Variants in PIERCE1 observed in about 807,000 individuals in gnomAD.
The protein encoded by PIERCE1 is piercer of microtubule wall 1 protein.
At chr9:135,499,430 AGAG>A in the PIERCE1 span, 63 of 674,322 alleles carry the variant, frequency 9.3e-5, 3 homozygotes, top group South Asian at 8.9e-4. Flanking sequence ...GGTAGAGAGG[AGAG>A]GAGACTCACC....
the PIERCE1 span, chr9:135,498,667 G>A: frequency 5.0e-5 from 80 of 1,613,256 alleles, 1 homozygote; most frequent in South Asian, 8.7e-4. The surrounding 1 kb of genome is among the most constrained non-coding windows in gnomAD (Gnocchi z 4.1). Context: ...CTGGGTCCTG[G>A]TAGATGAGAA....
At chr9:135,496,050 C>G in the PIERCE1 span, among the ~76,000 whole-genome samples, 1 of 152,230 alleles carries the variant, frequency 6.6e-6, no homozygotes, top group Non-Finnish European at 1.5e-5. Context: ...TGCGGTGGCT[C>G]ACGCCTGTAA....
At chr9:135,496,914 A>G in the PIERCE1 span, among the ~76,000 whole-genome samples, 4 of 150,254 alleles carry the variant, frequency 2.7e-5, no homozygotes, top group Non-Finnish European at 5.9e-5. Context: ...CTCCTGCCTC[A>G]GCCTCCCAAG....
the PIERCE1 span, chr9:135,499,842 C>G: frequency 2.5e-6 from 4 of 1,583,384 alleles, no homozygotes; most frequent in Non-Finnish European, 3.4e-6. Flanking sequence ...CTGGGGCATT[C>G]CTCAGCCATT....
chr9:135,499,726 C>T, the PIERCE1 span: 1 of 1,608,228 alleles, frequency 6.2e-7, no homozygotes, highest in Non-Finnish European at 8.5e-7. Context: ...CCCGGAACCA[C>T]CCCGGGTTGT....
chr9:135,498,963 A>G, the PIERCE1 span: 1 of 371,420 alleles, frequency 2.7e-6, no homozygotes, highest in African/African-American at 2.1e-5. The surrounding 1 kb of genome is among the most constrained non-coding windows in gnomAD (Gnocchi z 4.1). Flanking sequence ...GGGCCTCGGC[A>G]CATGCTGCAA....
chr9:135,499,273 C>T, the PIERCE1 span, among the ~76,000 whole-genome samples: 1 of 152,260 alleles, frequency 6.6e-6, no homozygotes, highest in South Asian at 2.1e-4. Context: ...GTGTGATGAG[C>T]ACGGCAAGAT....
chr9:135,496,818 T>C, the PIERCE1 span, among the ~76,000 whole-genome samples: 3 of 120,390 alleles, frequency 2.5e-5, no homozygotes, highest in Admixed American at 9.1e-5. Context: ...TTTTTTGAGA[T>C]GGAGTTTTTG....
the PIERCE1 span, among the ~76,000 whole-genome samples, chr9:135,496,124 G>A: frequency 6.6e-6 from 1 of 152,200 alleles, no homozygotes; most frequent in East Asian, 1.9e-4. Context: ...AGACCAGCCT[G>A]GCCAACATAG....
At chr9:135,499,595 C>A in the PIERCE1 span, 1 of 1,390,878 alleles carries the variant, frequency 7.2e-7, no homozygotes, top group Non-Finnish European at 1.0e-6. Flanking sequence ...CCCCGGATGA[C>A]CACTCGATCT....
chr9:135,495,324 C>T, the PIERCE1 span: 127 of 1,079,734 alleles, frequency 1.2e-4, no homozygotes, highest in East Asian at 1.6e-3. Context: ...GGGAAGGCAG[C>T]GCAGTCTGTG....
chr9:135,499,345 C>A, the PIERCE1 span: 1 of 497,984 alleles, frequency 2.0e-6, no homozygotes, highest in South Asian at 1.8e-5. Context: ...TGCCCTGTGG[C>A]AGCTCAGAGC....
chr9:135,498,580 C>T, the PIERCE1 span: 5 of 1,613,882 alleles, frequency 3.1e-6, no homozygotes, highest in East Asian at 1.1e-4. This position sits in a 1 kb window ranked among gnomAD's most constrained non-coding sequence, Gnocchi z 4.1. Flanking sequence ...TTGCATCCCA[C>T]TTACAGGCAT....
At chr9:135,498,797 G>A in the PIERCE1 span, 1 of 778,188 alleles carries the variant, frequency 1.3e-6, no homozygotes, top group Non-Finnish European at 2.2e-6. This position sits in a 1 kb window ranked among gnomAD's most constrained non-coding sequence, Gnocchi z 4.1. Flanking sequence ...TGGTGATGTG[G>A]CCTCGAAGGC....
At chr9:135,495,279 A>G in the PIERCE1 span, 7 of 728,736 alleles carry the variant, frequency 9.6e-6, 1 homozygote, top group African/African-American at 7.1e-5. Context: ...CCCCGTTTGC[A>G]TATTTTCCTA....
At chr9:135,495,731 T>TG in the PIERCE1 span, 1 of 980,706 alleles carries the variant, frequency 1.0e-6, no homozygotes, top group Non-Finnish European at 1.5e-6. Flanking sequence ...CCAGAGTGGG[T>TG]AGGATGGCCT....
At chr9:135,497,840 A>G in the PIERCE1 span, among the ~76,000 whole-genome samples, 1 of 152,228 alleles carries the variant, frequency 6.6e-6, no homozygotes, top group African/African-American at 2.4e-5. Flanking sequence ...TCTTCTCACA[A>G]GGGCTCAGTC....
chr9:135,498,460 T>TG, the PIERCE1 span: 5 of 735,434 alleles, frequency 6.8e-6, no homozygotes, highest in Non-Finnish European at 1.1e-5. The surrounding 1 kb of genome is among the most constrained non-coding windows in gnomAD (Gnocchi z 4.1). Flanking sequence ...GCTGGAACTT[T>TG]GGCCTCCTCC....
chr9:135,496,522 C>T, the PIERCE1 span, among the ~76,000 whole-genome samples: 1 of 152,188 alleles, frequency 6.6e-6, no homozygotes, highest in East Asian at 1.9e-4. Flanking sequence ...TGGCAAGAAA[C>T]AAGTGCAAAG....
Sources: allele counts gnomAD v4.1 joint callset (sites outside exome capture counted in the v4.1 genomes callset), GRCh38; gene constraint gnomAD v4.1.1; non-coding constraint Gnocchi (gnomAD v3.1); transcripts MANE v1.5; gene names NCBI Gene and HGNC (gene_info 2026-07-23, HGNC 2026-07-21).